PDE4D: variants seen among roughly 807,000 people sequenced by gnomAD.
The protein encoded by PDE4D is 3',5'-cyclic-AMP phosphodiesterase 4D.
PDE4D carries 24 observed loss-of-function variants against 87.4 expected under a neutral mutation model. The observed-to-expected ratio is 0.27, with a 90% confidence interval of 0.20 to 0.39. PDE4D has a LOEUF of 0.39. PDE4D is among the 10% of genes least tolerant of loss of function. The pLI is 1.00. For missense variants in PDE4D, 714 were observed against 1,041.0 expected, an observed-to-expected ratio of 0.69 and a Z score of 4.32; for synonymous variants, 384 against 383.2, an observed-to-expected ratio of 1.00 and a Z score of -0.02.
intron 1 of PDE4D, among the ~76,000 whole-genome samples, chr5:59,494,515 A>G (rs535708895): frequency 6.6e-6 from 1 of 152,342 alleles, no homozygotes; most frequent in South Asian, 2.1e-4. Flanking sequence ...TCTGGTCTAC[A>G]TCAGTTCTCA....
At chr5:60,171,813 C>A (rs1349775063) in intron 2 of PDE4D, among the ~76,000 whole-genome samples, 1 of 151,930 alleles carries the variant, frequency 6.6e-6, no homozygotes, top group African/African-American at 2.4e-5. Flanking sequence ...CATATCCAGA[C>A]AAGAGGTCTA....
chr5:59,114,937 G>A (rs981629314), intron 5 of PDE4D, among the ~76,000 whole-genome samples: 7 of 152,002 alleles, frequency 4.6e-5, no homozygotes, highest in African/African-American at 7.3e-5. Context: ...GTTTGGGTGC[G>A]AAAATCAATA....
intron 1 of PDE4D, among the ~76,000 whole-genome samples, chr5:59,543,264 T>A (rs891608302): frequency 6.6e-6 from 1 of 152,186 alleles, no homozygotes; most frequent in Admixed American, 6.5e-5. Context: ...TATCTGAATT[T>A]TTTGAGCCTG....
At chr5:60,323,275 T>C (rs1448383971) in intron 1 of PDE4D, among the ~76,000 whole-genome samples, 1 of 152,226 alleles carries the variant, frequency 6.6e-6, no homozygotes, top group Non-Finnish European at 1.5e-5. Flanking sequence ...AAAGTCACCC[T>C]AAACCAAACA....
intron 3 of PDE4D, among the ~76,000 whole-genome samples, chr5:59,190,763 C>A (rs1744127884): frequency 6.6e-6 from 1 of 152,176 alleles, no homozygotes; most frequent in Non-Finnish European, 1.5e-5. Context: ...AACATACTCA[C>A]TGGGACTTCT....
chr5:60,332,582 A>T (rs1226934132), intron 1 of PDE4D, among the ~76,000 whole-genome samples: 1 of 152,240 alleles, frequency 6.6e-6, no homozygotes, highest in East Asian at 1.9e-4. Context: ...AATGGAAGTT[A>T]TAAAATTACA....
chr5:59,022,623 G>A (rs931624385), intron 6 of PDE4D, among the ~76,000 whole-genome samples: 3 of 152,118 alleles, frequency 2.0e-5, no homozygotes, highest in African/African-American at 7.2e-5. Context: ...TCTCAGATCT[G>A]CTTTAGTCAC....
chr5:59,283,877 G>T (rs568102581), intron 1 of PDE4D, among the ~76,000 whole-genome samples: 15 of 152,192 alleles, frequency 9.9e-5, no homozygotes, highest in Middle Eastern at 6.8e-3. Flanking sequence ...ATCACAGGGG[G>T]ATTCAAATCC....
chr5:59,059,273 G>T (rs965258449), intron 5 of PDE4D, among the ~76,000 whole-genome samples: 1 of 152,154 alleles, frequency 6.6e-6, no homozygotes, highest in Non-Finnish European at 1.5e-5. Context: ...TTAGTGCCAT[G>T]TCTGCCTTCT....
intron 5 of PDE4D, among the ~76,000 whole-genome samples, chr5:59,138,272 T>A (rs1192428517): frequency 6.6e-6 from 1 of 152,212 alleles, no homozygotes; most frequent in East Asian, 1.9e-4. Flanking sequence ...CCATTTTAGC[T>A]TGATTACATT....
At chr5:59,353,787 A>G (rs536003906) in intron 1 of PDE4D, among the ~76,000 whole-genome samples, 1 of 151,544 alleles carries the variant, frequency 6.6e-6, no homozygotes, top group East Asian at 1.9e-4. Flanking sequence ...TTCTGCCTCA[A>G]TCAAACTTAA....
intron 5 of PDE4D, among the ~76,000 whole-genome samples, chr5:59,067,311 C>T (rs926252551): frequency 1.3e-5 from 2 of 152,036 alleles, no homozygotes; most frequent in African/African-American, 2.4e-5. Context: ...GCCACTGTGC[C>T]TGGCTATGAT....
chr5:59,662,788 T>C (rs948267178), intron 1 of PDE4D, among the ~76,000 whole-genome samples: 2 of 152,106 alleles, frequency 1.3e-5, no homozygotes, highest in African/African-American at 4.8e-5. Context: ...AAGATGAGAG[T>C]GGGTGAGAGT....
intron 1 of PDE4D, among the ~76,000 whole-genome samples, chr5:60,242,473 T>A (rs747471638): frequency 1.3e-5 from 2 of 151,980 alleles, no homozygotes; most frequent in African/African-American, 2.4e-5. Context: ...GACCAAATGA[T>A]CCCGATAGAT....
intron 11 of PDE4D, among the ~76,000 whole-genome samples, chr5:58,979,738 T>G (rs1160094272): frequency 6.6e-6 from 1 of 152,188 alleles, no homozygotes; most frequent in African/African-American, 2.4e-5. Flanking sequence ...AATTACCAGA[T>G]GAAACTGCCC....
At chr5:59,424,378 T>G (rs1265218322) in intron 1 of PDE4D, among the ~76,000 whole-genome samples, 1 of 152,180 alleles carries the variant, frequency 6.6e-6, no homozygotes, top group African/African-American at 2.4e-5. Flanking sequence ...AAGTTTTTCC[T>G]TCATAAAACG....
rs923007382 is a variant in PDE4D, at chr5:59,942,800, C to CT, written c.272+45687dup. Among the ~76,000 whole-genome samples the CT allele has an allele frequency of 7.2e-5, 10 of 139,310 alleles. No homozygotes were observed. In the South Asian group the frequency reaches 1.3e-3, roughly 18 times the overall value. The allele number at this position is 139,310 out of a possible 152,430, so 91.4% of individuals were successfully genotyped here. ...AATAGGCAAAACTGGGCAAGTGTGG[C>CT]TTTGCAAGGGAGACAAGAGATGAGG... On this transcript the variant is annotated intron_variant, in intron 3 of 16. Transcript: ENST00000502484.
chr5:59,693,957 A>C (rs1751367846), intron 1 of PDE4D, among the ~76,000 whole-genome samples: 1 of 152,176 alleles, frequency 6.6e-6, no homozygotes, highest in South Asian at 2.1e-4. Flanking sequence ...TTGATGCCTT[A>C]AGGGCTAAAG....
At chr5:59,800,693 AG>A (rs1767025286) in intron 1 of PDE4D, among the ~76,000 whole-genome samples, 3 of 151,736 alleles carry the variant, frequency 2.0e-5, no homozygotes, top group East Asian at 3.9e-4. Flanking sequence ...CTGGAGGAGT[AG>A]AAAGAGTGAG....
Sources: gnomAD v4.1 joint callset for allele counts (sites outside exome capture counted in the v4.1 genomes callset) on GRCh38, gnomAD v4.1.1 for gene constraint, MANE v1.5 for transcripts, NCBI Gene and HGNC (gene_info 2026-07-23, HGNC 2026-07-21) for gene names.